The following DNAH9 variants were observed in gnomAD, a reference collection of about 807,000 sequenced individuals.
DNAH9 encodes dynein axonemal heavy chain 9.
DNAH9 carries 345 observed loss-of-function variants against 471.6 expected under a neutral mutation model. The observed-to-expected ratio is 0.73, with a 90% confidence interval of 0.67 to 0.80. DNAH9 has a LOEUF of 0.80. Among genes scored for constraint, DNAH9 ranks in the 30% least tolerant of loss-of-function variants. The pLI is 0.00. For synonymous variants in DNAH9, 2,093 were observed against 2,123.6 expected (o/e 0.99, Z 0.40); for missense variants, 5,407 against 5,609.2 (o/e 0.96, Z 1.15).
At chr17:11,966,040 A>G (rs986681330) in intron 68 of DNAH9, among the ~76,000 whole-genome samples, 2 of 152,224 alleles carry the variant, frequency 1.3e-5, no homozygotes, top group Admixed American at 1.3e-4. Flanking sequence ...CAGAAAGACT[A>G]TTTGAAGAGA....
chr17:11,629,146 G>A (rs987626546), intron 6 of DNAH9, among the ~76,000 whole-genome samples: 5 of 148,504 alleles, frequency 3.4e-5, no homozygotes, highest in Non-Finnish European at 5.9e-5. Context: ...TGTGCACAAC[G>A]TGCAGGTTTG....
rs767099540 is a variant in DNAH9 at position 11,781,182 on chromosome 17, C to T, written c.7718+8C>T. Reference sequence around the variant, plus strand: ...TCTGGACTATGGCCACTGGTAAGAGCGCCCATGTAGAGGGACTGGCCCAAG... The same window carrying T: ...TCTGGACTATGGCCACTGGTAAGAGTGCCCATGTAGAGGGACTGGCCCAAG... On this transcript the variant is annotated splice_region_variant and intron_variant, in intron 39 of 68. Transcript: ENST00000262442. The T allele has an allele frequency of 9.9e-6, 16 of 1,612,916 alleles. No individual in the cohort carries two copies. The highest frequency in any genetic ancestry group is 1.1e-5 in the South Asian group (1 of 90,934).
chr17:11,735,470 C>T (rs527722913), intron 28 of DNAH9, among the ~76,000 whole-genome samples: 1 of 152,178 alleles, frequency 6.6e-6, no homozygotes, highest in East Asian at 1.9e-4. Flanking sequence ...GAGTCTCACT[C>T]TGTCACGCAG....
At chr17:11,896,312 C>A (rs946754537) in intron 59 of DNAH9, among the ~76,000 whole-genome samples, 2 of 152,134 alleles carry the variant, frequency 1.3e-5, no homozygotes, top group African/African-American at 4.8e-5. Flanking sequence ...TTATGAGGGC[C>A]ACTTAGACTT....
intron 14 of DNAH9, among the ~76,000 whole-genome samples, chr17:11,653,472 T>C (rs1173292045): frequency 6.6e-6 from 1 of 152,182 alleles, no homozygotes; most frequent in Non-Finnish European, 1.5e-5. Context: ...GTGCTACACT[T>C]CATGCTGTAA....
At chr17:11,752,181 G>A (rs1278689057) in intron 32 of DNAH9, among the ~76,000 whole-genome samples, 1 of 152,170 alleles carries the variant, frequency 6.6e-6, no homozygotes, top group East Asian at 1.9e-4. Context: ...ATAAATTTCA[G>A]GTAATGACAA....
At position 11,854,391 on chromosome 17, in the gene DNAH9, C is replaced by T. The variant is rs933575268; in HGVS notation, c.9896C>T (p.Ala3299Val). Reference sequence around the variant, plus strand: ...AAAGCCACCGCGGACCTCACAGCTGCCCAGGAGAAGCTGGCTGCCATCAAA... The same window carrying T: ...AAAGCCACCGCGGACCTCACAGCTGTCCAGGAGAAGCTGGCTGCCATCAAA... ...LNKATADLTA[A>V]QEKLAAIKAK... Residue 3299 changes from alanine (A) to valine (V), a missense_variant, in exon 50 of 69, where the codon GCC becomes GTC. Ala to Val is a moderately conservative substitution (Grantham distance 64). Around this residue, in one of 3 missense-constraint regions of DNAH9, gnomAD observed 4,636 missense variants for 4,900.3 expected, o/e 0.95. Transcript: ENST00000262442. The T allele has an allele frequency of 6.2e-7, 1 of 1,613,490 alleles. No homozygotes were observed. The highest frequency in any genetic ancestry group is 1.7e-5 in the Admixed American group (1 of 59,992).
chr17:11,703,090 C>CAA lies in DNAH9; in HGVS notation c.5152-1098_5152-1097dup, dbSNP rs535913798. On this transcript the variant is annotated intron_variant, in intron 24 of 68. Transcript: ENST00000262442. ...CCTGGGTGACAGAGCGAGACTGTCT[C>CAA]AAAAAAAAAAAAAAAAGAAAAGAAA... Among the ~76,000 whole-genome samples, 429 of 87,812 alleles carry CAA rather than the reference C, an allele frequency of 4.9e-3. 6 individuals carry two copies. Among genetic ancestry groups the CAA allele is most frequent in the African/African-American group, 0.014 (345 of 24,686 alleles). 57.6% of individuals were successfully genotyped at this position (87,812 alleles called of 152,430 possible). A position where few individuals can be genotyped will look rare whatever the true frequency, so the allele number is the denominator to read the frequency against.
At chr17:11,908,569 C>T (rs2151017891) in intron 61 of DNAH9, among the ~76,000 whole-genome samples, 1 of 152,336 alleles carries the variant, frequency 6.6e-6, no homozygotes, top group East Asian at 1.9e-4. Flanking sequence ...TGTAGGCACA[C>T]AGGCTCAAGC....
chr17:11,762,770 G>GTTGTTGTTTTTTTT (rs1967746481), intron 35 of DNAH9, among the ~76,000 whole-genome samples: 3 of 90,744 alleles, frequency 3.3e-5, no homozygotes, highest in Non-Finnish European at 6.6e-5. Context: ...TTTTTTTTTT[G>GTTGTTGTTTTTTTT]TTTTTTTTTT....
chr17:11,687,611 C>A (rs1426710942), intron 19 of DNAH9, among the ~76,000 whole-genome samples: 1 of 152,142 alleles, frequency 6.6e-6, no homozygotes, highest in Non-Finnish European at 1.5e-5. Flanking sequence ...TCTAGTTAGT[C>A]ATTTCCTCAC....
chr17:11,854,556 A>G lies in DNAH9; in HGVS notation c.9933+128A>G. The G allele has an allele frequency of 3.3e-6, 4 of 1,228,224 alleles. No individual in the cohort carries two copies. In the South Asian group the frequency reaches 4.9e-5, roughly 15 times the overall value. 76.1% of individuals were successfully genotyped at this position (1,228,224 alleles called of 1,614,324 possible). On this transcript the variant is annotated intron_variant, in intron 50 of 68. Coordinates refer to ENST00000262442, the MANE Select transcript of DNAH9 (RefSeq NM_001372.4). ...CAGGAAAACCACATTTTCATGCAAAATCTCATTTTTCAGTAGAGGCAACTT... is the reference window on the plus strand; with the variant it reads ...CAGGAAAACCACATTTTCATGCAAAGTCTCATTTTTCAGTAGAGGCAACTT...
intron 49 of DNAH9, among the ~76,000 whole-genome samples, chr17:11,843,665 A>C (rs988522957): frequency 6.6e-6 from 1 of 151,538 alleles, no homozygotes; most frequent in Admixed American, 6.6e-5. Flanking sequence ...ATATAAAGTT[A>C]GCCAAATAAA....
At chr17:11,922,185 G>A (rs1418283067) in intron 61 of DNAH9, among the ~76,000 whole-genome samples, 2 of 152,176 alleles carry the variant, frequency 1.3e-5, no homozygotes, top group East Asian at 3.9e-4. Flanking sequence ...TTCAATGACA[G>A]TCTATACATT....
intron 67 of DNAH9, among the ~76,000 whole-genome samples, chr17:11,951,559 A>T (rs1219755171): frequency 6.6e-6 from 1 of 151,980 alleles, no homozygotes; most frequent in Non-Finnish European, 1.5e-5. Context: ...CTATGACAGG[A>T]GGACTGCTTG....
intron 48 of DNAH9, among the ~76,000 whole-genome samples, chr17:11,827,385 T>C (rs529318733): frequency 1.3e-5 from 2 of 152,200 alleles, no homozygotes; most frequent in African/African-American, 4.8e-5. Context: ...CTTTTACTGA[T>C]AGGGGAAGGC....
chr17:11,736,272 A>G (rs79204934), intron 28 of DNAH9, among the ~76,000 whole-genome samples: 2,035 of 152,332 alleles, frequency 0.013, 43 homozygotes, highest in African/African-American at 0.046. Flanking sequence ...TAAGTGCTCA[A>G]AAATGTCAGT....
intron 67 of DNAH9, among the ~76,000 whole-genome samples, chr17:11,952,306 A>ATTTTTTTTTT (rs1567572771): frequency 1.1e-5 from 1 of 93,102 alleles, no homozygotes; most frequent in African/African-American, 4.0e-5. Context: ...CACCCAGCTA[A>ATTTTTTTTTT]TTCTTTTTTT....
chr17:11,881,129 T>C, intron 54 of DNAH9, 80 bp from the exon 55 acceptor site: 1 of 1,333,274 alleles, frequency 7.5e-7, no homozygotes, highest in South Asian at 1.2e-5. Context: ...GCAATATTGT[T>C]TGAAAAAAAT....
Sources: gnomAD v4.1 joint callset for allele counts (sites outside exome capture counted in the v4.1 genomes callset) on GRCh38, gnomAD v4.1.1 for gene constraint, gnomAD v4.1.1 regional missense constraint, MANE v1.5 for transcripts, NCBI Gene and HGNC (gene_info 2026-07-23, HGNC 2026-07-21) for gene names.